The following APOBEC3G variants were observed in gnomAD, a reference collection of about 807,000 sequenced individuals.
APOBEC3G encodes the protein apolipoprotein B mRNA editing enzyme catalytic subunit 3G, also known as DNA dC->dU-editing enzyme APOBEC-3G.
A neutral mutation model predicts 50.0 loss-of-function variants in APOBEC3G; 44 were observed. That is an observed-to-expected ratio of 0.88 (90% CI 0.69 to 1.13). The LOEUF (loss-of-function observed/expected upper bound fraction) is 1.13, where lower values mean the gene tolerates loss of function less well. Among genes scored for constraint, APOBEC3G ranks in the 50% most tolerant of loss-of-function variants. The pLI, the probability that APOBEC3G is intolerant of heterozygous loss-of-function variation, is 0.00. For missense variants in APOBEC3G, 469 were observed against 492.0 expected, an observed-to-expected ratio of 0.95 and a Z score of 0.44; for synonymous variants, 156 against 175.3, an observed-to-expected ratio of 0.89 and a Z score of 0.87.
intron 7 of APOBEC3G, 81 bp from the exon 8 acceptor site, chr22:39,087,326 G>A: frequency 6.2e-7 from 1 of 1,606,912 alleles, no homozygotes; most frequent in Non-Finnish European, 8.5e-7. Context: ...TCCGATCATT[G>A]TCACTGTCCC....
intron 7 of APOBEC3G, 115 bp downstream of exon 7, chr22:39,087,241 G>A: frequency 1.2e-6 from 2 of 1,601,516 alleles, no homozygotes; most frequent in Non-Finnish European, 1.7e-6. Flanking sequence ...GCTCCCCCAG[G>A]GCACCTGTCT....
intron 1 of APOBEC3G, among the ~76,000 whole-genome samples, chr22:39,078,053 A>T (rs1181942943): frequency 6.6e-6 from 1 of 152,206 alleles, no homozygotes; most frequent in East Asian, 1.9e-4. Context: ...TGCGGTCAGG[A>T]GTTCAAGACC....
At chr22:39,077,503 C>G (rs1569081490) in intron 1 of APOBEC3G, 125 bp downstream of exon 1, 3 of 1,482,578 alleles carry the variant, frequency 2.0e-6, no homozygotes, top group Non-Finnish European at 2.7e-6. Flanking sequence ...CCCTCTGACT[C>G]CCCTGCACCC....
intron 6 of APOBEC3G, 92 bp from the exon 7 acceptor site, chr22:39,086,919 G>A: frequency 1.4e-6 from 2 of 1,449,708 alleles, no homozygotes; most frequent in Non-Finnish European, 1.9e-6. Flanking sequence ...CTGAAACCAG[G>A]ATGTGGGAAG....
rs528755403 is a variant in APOBEC3G at position 39,081,085 on chromosome 22, G to A, written c.324G>A (p.Leu108=). 5.6e-5 allele frequency: 91 copies of A among 1,614,252 alleles called. 1 individual carries two copies. In the Admixed American group the frequency reaches 1.3e-3, roughly 23 times the overall value. Residue 108 remains leucine, a synonymous_variant, in exon 3 of 8, where the codon CTG becomes CTA. Transcript: ENST00000407997. ...TKCTRDMATF[L]AEDPKVTLTI... ...GTACAAGGGATATGGCCACGTTCCT[G>A]GCCGAGGACCCGAAGGTTACCCTGA...
chr22:39,086,723 T>C (rs530020559), intron 6 of APOBEC3G, among the ~76,000 whole-genome samples, 156 bp downstream of exon 6: 1 of 150,290 alleles, frequency 6.7e-6, no homozygotes, highest in East Asian at 2.0e-4. Flanking sequence ...GACTTTGGGG[T>C]CGACGGGAAG....
chr22:39,080,064 A>G, intron 2 of APOBEC3G: 2 of 169,894 alleles, frequency 1.2e-5, no homozygotes. Context: ...AAAAGAAATG[A>G]GTGGTGTATT....
At chr22:39,086,661 G>C in intron 6 of APOBEC3G, 94 bp downstream of exon 6, 1 of 1,479,564 alleles carries the variant, frequency 6.8e-7, no homozygotes, top group East Asian at 2.3e-5. Context: ...GCATCCCTGT[G>C]GGAAAGGCCT....
rs900959809 is a variant in APOBEC3G at position 39,080,947 on chromosome 22, T to C, written c.186T>C (p.Leu62=). ...KIFRGQVYSE[L]KYHPEMRFFH... ...TCCTCTCCCAGGTGTATTCCGAACT[T>C]AAGTACCACCCAGAGATGAGATTCT... Residue 62 remains leucine (L), a synonymous_variant, in exon 3 of 8, where the codon CTT becomes CTC. Transcript: ENST00000407997. 6.2e-6 allele frequency: 10 copies of C among 1,613,366 alleles called. No homozygotes were observed. The highest frequency in any genetic ancestry group is 8.5e-6 in the Non-Finnish European group (10 of 1,179,686).
rs549698931 is a variant in APOBEC3G, at chr22:39,080,146, C to G, written c.172-787C>G. 14 of 469,576 alleles carry G rather than the reference C, an allele frequency of 3.0e-5. No individual in the cohort carries two copies. In the East Asian group the frequency reaches 4.5e-4, roughly 15 times the overall value. 29.1% of individuals were successfully genotyped at this position (469,576 alleles called of 1,614,324 possible). A position where few individuals can be genotyped will look rare whatever the true frequency, so the allele number is the denominator to read the frequency against. On this transcript the variant is annotated intron_variant, in intron 2 of 7. Coordinates refer to ENST00000407997, the MANE Select transcript of APOBEC3G (RefSeq NM_021822.4). ...GTAGTCCCTTGGCCATGTCACCCCC[C>G]CCGACATGGACAGTGCAGGTCCAGT...
rs562755924 is a variant in APOBEC3G at position 39,081,610 on chromosome 22, C to T, written c.581+25C>T. 1.0e-4 allele frequency: 162 copies of T among 1,572,642 alleles called. No individual in the cohort carries two copies. In the South Asian group the frequency reaches 1.6e-3, roughly 15 times the overall value. On this transcript the variant is annotated intron_variant, in intron 4 of 7. Transcript: ENST00000407997. ...GGTGAGGGTCTCCCTCCAGGCTCAT[C>T]GCCTCGCTCCTCTCACCTCCTGCTC...
At chr22:39,083,457 G>T (rs1365729263) in intron 4 of APOBEC3G, among the ~76,000 whole-genome samples, 1 of 152,168 alleles carries the variant, frequency 6.6e-6, no homozygotes, top group African/African-American at 2.4e-5. Context: ...GAGAGGGCCT[G>T]AGCACACTGA....
In APOBEC3G at chr22:39,086,306, G is replaced by A. The variant is rs1928687045; in HGVS notation, c.763G>A (p.Gly255Ser). 6.3e-7 allele frequency: 1 copy of A among 1,590,944 alleles called. No homozygotes were observed. Residue 255 changes from glycine (G) to serine (S), a missense_variant, in exon 6 of 8, where the codon GGC (glycine) becomes AGC (serine). Coordinates refer to ENST00000407997, the MANE Select transcript of APOBEC3G (RefSeq NM_021822.4). ...TCCACATAAACACGGTTTCCTTGAA[G>A]GCCGCCATGCAGAGCTGTGCTTCCT... ...QAPHKHGFLEGRHAELCFLDV... is the reference protein window; with the variant it reads ...QAPHKHGFLESRHAELCFLDV...
chr22:39,077,957 A>G (rs1167157649), intron 1 of APOBEC3G, among the ~76,000 whole-genome samples: 2 of 152,152 alleles, frequency 1.3e-5, no homozygotes, highest in Non-Finnish European at 2.9e-5. Flanking sequence ...TATAAATGAC[A>G]CCAGTAACAT....
chr22:39,083,141 C>T (rs1928548787), intron 4 of APOBEC3G: 1 of 152,266 alleles, frequency 6.6e-6, no homozygotes, highest in East Asian at 1.9e-4. Flanking sequence ...GGAAATGCCT[C>T]TGCACTGGGT....
rs1307947733 is a variant in APOBEC3G at position 39,086,441 on chromosome 22, T to C, written c.898T>C (p.Ser300Pro). The C allele has an allele frequency of 2.5e-6, 4 of 1,614,064 alleles. No individual in the cohort carries two copies. Among genetic ancestry groups the C allele is most frequent in the Non-Finnish European group, 3.4e-6 (4 of 1,180,012 alleles). Residue 300 changes from serine (S) to proline (P), a missense_variant, in exon 6 of 8, where the codon TCA becomes CCA. Ser to Pro is a moderately conservative substitution (Grantham distance 74). Transcript: ENST00000407997. ...TGCCCAGGAAATGGCTAAATTCATT[T>C]CAAAAAACAAACACGTGAGCCTGTG... Reference protein sequence around the residue: ...SCAQEMAKFISKNKHVSLCIF... With the variant: ...SCAQEMAKFIPKNKHVSLCIF...
Position 39,087,142 on chromosome 22 carries a change from C to T in APOBEC3G, c.1140+16C>T, listed in dbSNP as rs760129468. The T allele has an allele frequency of 6.2e-7, 1 of 1,614,032 alleles. No homozygotes were observed. The highest frequency in any genetic ancestry group is 8.5e-7 in the Non-Finnish European group (1 of 1,179,970). On this transcript the variant is annotated intron_variant, in intron 7 of 7. Coordinates refer to ENST00000407997, the MANE Select transcript of APOBEC3G (RefSeq NM_021822.4). ...CATTCTCCAGGTGAGGGCTTCTTCC[C>T]TCTGCCCAGTGCCCCATCGGCCTCC...
chr22:39,087,197 T>C, intron 7 of APOBEC3G, 71 bp downstream of exon 7: 1 of 1,607,178 alleles, frequency 6.2e-7, no homozygotes, highest in Non-Finnish European at 8.5e-7. Context: ...GCGCCGTGCC[T>C]TCCCCTCTGC....
intron 1 of APOBEC3G, chr22:39,078,701 T>G: frequency 1.8e-6 from 1 of 548,136 alleles, no homozygotes; most frequent in Non-Finnish European, 3.1e-6. Flanking sequence ...GTGAAGAGTT[T>G]TATTCTGTCT....
Sources: gnomAD v4.1 joint callset for allele counts (sites outside exome capture counted in the v4.1 genomes callset) on GRCh38, gnomAD v4.1.1 for gene constraint, MANE v1.5 for transcripts, NCBI Gene and HGNC (gene_info 2026-07-23, HGNC 2026-07-21) for gene names.